The following AGMO variants were observed in gnomAD, a reference collection of about 807,000 sequenced individuals.
The protein encoded by AGMO is alkylglycerol monooxygenase.
AGMO carries 75 observed loss-of-function variants against 60.2 expected under a neutral mutation model. The observed-to-expected ratio is 1.25, with a 90% CI of 1.03 to 1.51. The LOEUF is 1.51. Among genes scored for constraint, AGMO ranks in the 40% most tolerant of loss-of-function variants. The pLI, the probability that AGMO is intolerant of heterozygous loss-of-function variation, is 0.00. For synonymous variants in AGMO, 261 were observed against 177.1 expected, an observed-to-expected ratio of 1.47 and a Z score of -3.76; for missense variants, 763 against 525.5, an observed-to-expected ratio of 1.45 and a Z score of -4.42.
chr7:15,339,144 A>G (rs6950829), intron 12 of AGMO, among the ~76,000 whole-genome samples: 84,456 of 151,966 alleles, frequency 0.56, 24,783 homozygotes, highest in African/African-American at 0.77. Context: ...CTAACCATGA[A>G]TAAGTCCTAC....
At chr7:15,161,334 T>C in the AGMO span, among the ~76,000 whole-genome samples, 1 of 152,228 alleles carries the variant, frequency 6.6e-6, no homozygotes, top group East Asian at 1.9e-4. Context: ...GAGCAAATTC[T>C]GCCTGCAGAT....
intron 3 of AGMO, among the ~76,000 whole-genome samples, chr7:15,441,098 T>C (rs1781542906): frequency 6.6e-6 from 1 of 152,192 alleles, no homozygotes; most frequent in South Asian, 2.1e-4. Flanking sequence ...AGAATATGTG[T>C]TATTTAAAAC....
At chr7:15,234,222 A>G (rs1782348991) in intron 12 of AGMO, among the ~76,000 whole-genome samples, 2 of 152,196 alleles carry the variant, frequency 1.3e-5, no homozygotes, top group Admixed American at 6.5e-5. Flanking sequence ...AATAACTTGA[A>G]TCTTCCAAAT....
chr7:15,339,181 G>T (rs1236440967), intron 12 of AGMO, among the ~76,000 whole-genome samples: 1 of 152,158 alleles, frequency 6.6e-6, no homozygotes, highest in Non-Finnish European at 1.5e-5. Context: ...AGAGGGAGAA[G>T]TATCCCAGAT....
At chr7:15,413,629 GA>G (rs1457156209) in intron 5 of AGMO, among the ~76,000 whole-genome samples, 2 of 151,870 alleles carry the variant, frequency 1.3e-5, no homozygotes, top group South Asian at 2.1e-4. Context: ...TGAATTATTA[GA>G]AAAAATAAAA....
intron 5 of AGMO, among the ~76,000 whole-genome samples, chr7:15,397,353 C>A (rs1784433708): frequency 6.6e-6 from 1 of 151,814 alleles, no homozygotes; most frequent in Non-Finnish European, 1.5e-5. Context: ...CCGCGAGCGC[C>A]TCGCGCAGCC....
intron 12 of AGMO, among the ~76,000 whole-genome samples, chr7:15,224,504 C>T (rs1782018381): frequency 6.6e-6 from 1 of 152,040 alleles, no homozygotes; most frequent in South Asian, 2.1e-4. Flanking sequence ...TCACCAGAAA[C>T]TGGATGTGCT....
At chr7:15,418,450 G>A in intron 5 of AGMO, 108 bp downstream of exon 5, 2 of 670,290 alleles carry the variant, frequency 3.0e-6, no homozygotes, top group South Asian at 1.9e-5. Flanking sequence ...CCTTAGAAAA[G>A]GCAGACAAAG....
chr7:15,139,716 A>G, the AGMO span, among the ~76,000 whole-genome samples: 9 of 151,124 alleles, frequency 6.0e-5, no homozygotes, highest in Non-Finnish European at 1.0e-4. Flanking sequence ...TGGTATATGC[A>G]TGATTAATCT....
chr7:15,500,986 T>A (rs1783370302), intron 3 of AGMO, among the ~76,000 whole-genome samples: 1 of 152,014 alleles, frequency 6.6e-6, no homozygotes, highest in Admixed American at 6.6e-5. Context: ...TATGTAATTG[T>A]ATGGTTTGGA....
intron 12 of AGMO, among the ~76,000 whole-genome samples, chr7:15,313,161 G>A (rs1780817822): frequency 6.6e-6 from 1 of 152,132 alleles, no homozygotes; most frequent in South Asian, 2.1e-4. Flanking sequence ...AGTACACAAA[G>A]AAAACTCCTT....
intron 12 of AGMO, among the ~76,000 whole-genome samples, chr7:15,344,371 T>G (rs1374114101): frequency 6.6e-6 from 1 of 152,090 alleles, no homozygotes; most frequent in Non-Finnish European, 1.5e-5. Context: ...GATCTGATCT[T>G]CATAGTAAAA....
chr7:15,223,295 T>A (rs894861482), intron 12 of AGMO, among the ~76,000 whole-genome samples: 7 of 151,932 alleles, frequency 4.6e-5, no homozygotes, highest in Admixed American at 3.3e-4. Flanking sequence ...AGAAATACCA[T>A]CATTATTGAT....
At chr7:15,245,726 T>A (rs1275476661) in intron 12 of AGMO, among the ~76,000 whole-genome samples, 1 of 152,194 alleles carries the variant, frequency 6.6e-6, no homozygotes, top group Non-Finnish European at 1.5e-5. Context: ...CACTTTTATT[T>A]TTAGTTAAAA....
chr7:15,257,781 T>C (rs1427706850), intron 12 of AGMO, among the ~76,000 whole-genome samples: 1 of 152,206 alleles, frequency 6.6e-6, no homozygotes, highest in Non-Finnish European at 1.5e-5. Flanking sequence ...AGCTACTCTA[T>C]CTAAATGAAA....
intron 12 of AGMO, among the ~76,000 whole-genome samples, chr7:15,283,189 A>G (rs997352352): frequency 1.3e-5 from 2 of 152,096 alleles, no homozygotes; most frequent in African/African-American, 4.8e-5. Context: ...TGAAGAAAAC[A>G]AAGTATCTAG....
chr7:15,487,432 T>C (rs543669440), intron 3 of AGMO, among the ~76,000 whole-genome samples: 1 of 152,200 alleles, frequency 6.6e-6, no homozygotes, highest in South Asian at 2.1e-4. Context: ...AATTGAATAA[T>C]ATACTTAATA....
At chr7:15,236,780 A>T (rs1034258854) in intron 12 of AGMO, among the ~76,000 whole-genome samples, 7 of 152,052 alleles carry the variant, frequency 4.6e-5, no homozygotes, top group African/African-American at 1.7e-4. Flanking sequence ...AACAAAAAAA[A>T]ATGGAGTCTA....
At chr7:15,287,784 AT>A (rs5882491) in intron 12 of AGMO, among the ~76,000 whole-genome samples, 8 of 151,658 alleles carry the variant, frequency 5.3e-5, no homozygotes, top group African/African-American at 1.4e-4. Flanking sequence ...ACGTAGCTAA[AT>A]TTTTTTTTGT....
Sources: allele counts gnomAD v4.1 joint callset (sites outside exome capture counted in the v4.1 genomes callset), GRCh38; gene constraint gnomAD v4.1.1; transcripts MANE v1.5; gene names NCBI Gene and HGNC (gene_info 2026-07-23, HGNC 2026-07-21).